PRLR: variants seen among roughly 807,000 people sequenced by gnomAD.
PRLR encodes hPRL receptor.
A neutral mutation model predicts 40.2 loss-of-function variants in PRLR; 13 were observed. That is an observed-to-expected ratio of 0.32 (90% CI 0.21 to 0.51). The LOEUF (loss-of-function observed/expected upper bound fraction) is 0.51. Ranked by LOEUF, PRLR falls within the 20% of genes least tolerant of loss-of-function variation. PRLR has a pLI of 0.97. For missense variants in PRLR, 656 were observed against 747.3 expected (o/e 0.88, Z 1.42); for synonymous variants, 269 against 278.7 (o/e 0.97, Z 0.35).
At chr5:35,098,057 G>A (rs1319641044) in intron 2 of PRLR, among the ~76,000 whole-genome samples, 3 of 152,130 alleles carry the variant, frequency 2.0e-5, no homozygotes, top group Non-Finnish European at 4.4e-5. Context: ...CCAGCCATAG[G>A]ATTGCATATT....
intron 5 of PRLR, among the ~76,000 whole-genome samples, chr5:35,083,096 CA>C: frequency 1.3e-5 from 2 of 151,378 alleles, no homozygotes; most frequent in African/African-American, 4.9e-5. Context: ...CACACACACA[CA>C]CACACCACAC....
intron 1 of PRLR, among the ~76,000 whole-genome samples, chr5:35,183,298 C>A (rs114001597): frequency 6.6e-6 from 1 of 152,188 alleles, no homozygotes. Flanking sequence ...ACAGTCACCA[C>A]GTTCCTCTGA....
At chr5:35,162,791 G>A (rs1297155110) in intron 1 of PRLR, among the ~76,000 whole-genome samples, 1 of 152,166 alleles carries the variant, frequency 6.6e-6, no homozygotes, top group Admixed American at 6.5e-5. Flanking sequence ...GTGTCTCCCG[G>A]GCAGTTTCCT....
At chr5:35,197,895 G>A (rs1038666936) in intron 1 of PRLR, among the ~76,000 whole-genome samples, 1 of 152,252 alleles carries the variant, frequency 6.6e-6, no homozygotes, top group Non-Finnish European at 1.5e-5. Flanking sequence ...ATTGCATGAG[G>A]AGAGGTAAGA....
chr5:35,186,271 A>T (rs10075993), intron 1 of PRLR, among the ~76,000 whole-genome samples: 140,351 of 151,986 alleles, frequency 0.92, 65,643 homozygotes, highest in African/African-American at 0.96. Context: ...CTTTAAAAAA[A>T]TTTTTTTTTG....
Position 35,102,780 on chromosome 5 carries a change from T to C in PRLR, c.-43-13117A>G, listed in dbSNP as rs549757535. 3.9e-5 allele frequency among the ~76,000 whole-genome samples: 6 copies of C among 152,288 alleles called. No individual in the cohort carries two copies. The South Asian group carries it at 1.0e-3, about 26-fold the overall frequency. On this transcript the variant is annotated intron_variant, in intron 2 of 9. Transcript: ENST00000618457. ...CTGGTCTCGAACTCCTGACCTCAGG[T>C]GATCCACCTGCCTCGGCCTCCCAAA...
chr5:35,115,216 C>G (rs143041561), intron 2 of PRLR, among the ~76,000 whole-genome samples: 1 of 152,258 alleles, frequency 6.6e-6, no homozygotes, highest in African/African-American at 2.4e-5. Context: ...TCAGACAGTA[C>G]AGGTCTAGAG....
intron 1 of PRLR, among the ~76,000 whole-genome samples, chr5:35,159,576 G>C (rs997815087): frequency 1.3e-5 from 2 of 152,142 alleles, no homozygotes; most frequent in Non-Finnish European, 2.9e-5. Flanking sequence ...AACAAACCAG[G>C]CCTATCCAAG....
intron 1 of PRLR, among the ~76,000 whole-genome samples, chr5:35,173,881 G>A (rs1039822183): frequency 1.3e-5 from 2 of 151,848 alleles, no homozygotes; most frequent in Non-Finnish European, 2.9e-5. Context: ...TGTGCACAAC[G>A]TGCATGTTTA....
intron 5 of PRLR, among the ~76,000 whole-genome samples, chr5:35,078,135 A>G (rs558365303): frequency 1.3e-5 from 2 of 152,332 alleles, no homozygotes; most frequent in East Asian, 3.9e-4. Flanking sequence ...TAACATCACA[A>G]TTAGAAGAAC....
chr5:35,117,355 C>G (rs1374530895), intron 2 of PRLR, among the ~76,000 whole-genome samples: 1 of 152,200 alleles, frequency 6.6e-6, no homozygotes. Context: ...TTCCTGGCTC[C>G]TTAACTTCCT....
At chr5:35,084,415 AT>A (rs1770713851) in intron 5 of PRLR, 54 bp downstream of exon 5, 4 of 1,454,110 alleles carry the variant, frequency 2.8e-6, no homozygotes, top group Non-Finnish European at 1.8e-6. Flanking sequence ...GAGTGTGACT[AT>A]TGGCTAATAC....
intron 1 of PRLR, among the ~76,000 whole-genome samples, chr5:35,128,168 G>T (rs1205130391): frequency 1.3e-5 from 2 of 151,704 alleles, no homozygotes; most frequent in East Asian, 4.0e-4. Flanking sequence ...AAGTTGAGGA[G>T]CATCTGTATA....
intron 1 of PRLR, among the ~76,000 whole-genome samples, chr5:35,166,694 T>C (rs1180818015): frequency 6.6e-6 from 1 of 152,156 alleles, no homozygotes; most frequent in Non-Finnish European, 1.5e-5. Context: ...GGTAGACTTA[T>C]TCTTAGATAA....
At chr5:35,093,811 GTTCTTT>G (rs1771368400) in intron 2 of PRLR, among the ~76,000 whole-genome samples, 2 of 152,246 alleles carry the variant, frequency 1.3e-5, no homozygotes, top group East Asian at 3.9e-4. Context: ...TATGTTTACT[GTTCTTT>G]TTCTATGTTT....
rs536674647 is a variant in PRLR at position 35,138,346 on chromosome 5, CTATGT to C, written c.-105-20229_-105-20225del. Among the ~76,000 whole-genome samples, 17 of 152,280 alleles carry C rather than the reference CTATGT, an allele frequency of 1.1e-4. No individual in the cohort carries two copies. In the East Asian group the frequency reaches 3.3e-3, roughly 29 times the overall value. ...TTAAGAATAGTTAAGACAGTAAATA[CTATGT>C]TATGTGTATTTTACCACAATTAAAG... On this transcript the variant is annotated intron_variant, in intron 1 of 9. Coordinates refer to ENST00000618457, the MANE Select transcript of PRLR (RefSeq NM_000949.7).
chr5:35,093,855 C>T (rs1579630636), intron 2 of PRLR, among the ~76,000 whole-genome samples: 1 of 152,172 alleles, frequency 6.6e-6, no homozygotes, highest in East Asian at 1.9e-4. Flanking sequence ...CAAACACTTA[C>T]CATTCTGTAA....
At chr5:35,085,928 T>C (rs1401594356) in intron 4 of PRLR, among the ~76,000 whole-genome samples, 5 of 152,010 alleles carry the variant, frequency 3.3e-5, no homozygotes, top group Non-Finnish European at 7.4e-5. Context: ...AGTCTCAGGG[T>C]GAGGAGACCT....
At chr5:35,106,481 C>T in intron 2 of PRLR, among the ~76,000 whole-genome samples, 1 of 152,164 alleles carries the variant, frequency 6.6e-6, no homozygotes, top group Non-Finnish European at 1.5e-5. Context: ...TCAGGAGACC[C>T]ACTTCTCATG....
Sources: gnomAD v4.1 joint callset for allele counts (sites outside exome capture counted in the v4.1 genomes callset) on GRCh38, gnomAD v4.1.1 for gene constraint, MANE v1.5 for transcripts, NCBI Gene and HGNC (gene_info 2026-07-23, HGNC 2026-07-21) for gene names.